Variants in ARSG observed in about 807,000 individuals in gnomAD.
The protein encoded by ARSG is arylsulfatase G.
A neutral mutation model predicts 50.5 loss-of-function variants in ARSG; 37 were observed. That is an observed-to-expected ratio of 0.73 (90% CI 0.56 to 0.96). The LOEUF is 0.96. Among genes scored for constraint, ARSG ranks in the 50% least tolerant of loss-of-function variants. The probability of loss-of-function intolerance (pLI) is 0.00; values close to 1 mark genes in which losing one functional copy is unlikely to be tolerated. For synonymous variants in ARSG, 225 were observed against 254.6 expected (o/e 0.88, Z 1.11); for missense variants, 629 against 675.3 (o/e 0.93, Z 0.76).
downstream of ARSG, among the ~76,000 whole-genome samples, chr17:68,424,099 G>T (rs572361002): frequency 6.6e-6 from 1 of 152,172 alleles, no homozygotes; most frequent in Non-Finnish European, 1.5e-5. Context: ...TTTAAGGCCA[G>T]TTGGGGCCAT....
At chr17:68,423,890 T>C (rs1358143740), downstream of ARSG, among the ~76,000 whole-genome samples, 2 of 152,242 alleles carry the variant, frequency 1.3e-5, no homozygotes, top group Non-Finnish European at 2.9e-5. This position sits in a 1 kb window ranked among gnomAD's most constrained non-coding sequence, Gnocchi z 4.4. Context: ...ATTAAGAATC[T>C]AATAATATTT....
chr17:68,425,922 A>G, downstream of ARSG: 2 of 652,688 alleles, frequency 3.1e-6, no homozygotes, highest in South Asian at 3.8e-5. Flanking sequence ...CACACAGTAC[A>G]ACAAATATCC....
chr17:68,276,095 CTCTT>C (rs1206416375), intron 1 of ARSG, among the ~76,000 whole-genome samples: 2 of 152,000 alleles, frequency 1.3e-5, no homozygotes, highest in South Asian at 2.1e-4. Flanking sequence ...TTCTCTCTCT[CTCTT>C]TTTTTATTTT....
At chr17:68,315,191 C>T (rs758152) in intron 2 of ARSG, among the ~76,000 whole-genome samples, 125,723 of 152,154 alleles carry the variant, frequency 0.83, 52,498 homozygotes, top group Middle Eastern at 0.89. Context: ...CTGGGCAGAA[C>T]TGGGGAATCA....
At chr17:68,397,152 C>G (rs1334090241) in intron 10 of ARSG, among the ~76,000 whole-genome samples, 2 of 152,142 alleles carry the variant, frequency 1.3e-5, no homozygotes, top group African/African-American at 4.8e-5. Context: ...TGCGCAGGCT[C>G]GTAGAGACCC....
intron 6 of ARSG, among the ~76,000 whole-genome samples, chr17:68,363,708 C>A (rs1000858330): frequency 1.3e-5 from 2 of 152,038 alleles, no homozygotes; most frequent in Non-Finnish European, 2.9e-5. Flanking sequence ...CTTAGGTGAT[C>A]CAACTGCCTC....
intron 1 of ARSG, among the ~76,000 whole-genome samples, chr17:68,266,349 T>C (rs1370450908): frequency 7.0e-6 from 1 of 143,704 alleles, no homozygotes; most frequent in East Asian, 2.1e-4. Context: ...AATAAAATCG[T>C]CCTGTTTTCA....
chr17:68,272,671 C>T, intron 1 of ARSG: 1 of 1,614,120 alleles, frequency 6.2e-7, no homozygotes, highest in Non-Finnish European at 8.5e-7. Flanking sequence ...GAAACATTCT[C>T]CTGTGGAAGC....
At chr17:68,392,288 T>G (rs77150205) in intron 9 of ARSG, among the ~76,000 whole-genome samples, 4,022 of 152,196 alleles carry the variant, frequency 0.026, 108 homozygotes, top group East Asian at 0.14. Flanking sequence ...CGGAAGACTT[T>G]TTTCCCCCAA....
chr17:68,431,108 A>G, the ARSG span, among the ~76,000 whole-genome samples: 1 of 152,156 alleles, frequency 6.6e-6, no homozygotes, highest in African/African-American at 2.4e-5. Flanking sequence ...GCTGGGGTTT[A>G]CAAAGAGGTG....
intron 2 of ARSG, among the ~76,000 whole-genome samples, chr17:68,324,710 T>G (rs1176913152): frequency 6.6e-6 from 1 of 152,210 alleles, no homozygotes; most frequent in Non-Finnish European, 1.5e-5. Flanking sequence ...GAATGGGAAT[T>G]TGGATGCCTG....
At chr17:68,321,014 A>G (rs1438357103) in intron 2 of ARSG, among the ~76,000 whole-genome samples, 1 of 152,128 alleles carries the variant, frequency 6.6e-6, no homozygotes, top group Non-Finnish European at 1.5e-5. Context: ...CTGGAAAAGA[A>G]CAAGAGGCTG....
chr17:68,420,510 A>G lies in ARSG; in HGVS notation c.*47A>G. On this transcript the variant is annotated 3_prime_UTR_variant, in exon 12 of 12. Transcript: ENST00000621439. ...AGGAGGAGTACCTGGAAATTAGGCA[A>G]GTTTGCTTCCAAATTTCATTTTTAC... is the stretch of plus-strand genomic sequence containing the variant. The G allele has an allele frequency of 1.3e-6, 2 of 1,582,262 alleles. No individual in the cohort carries two copies. Among genetic ancestry groups the G allele is most frequent in the South Asian group, 2.3e-5 (2 of 88,250 alleles).
chr17:68,345,971 G>A (rs1351662089), intron 3 of ARSG, among the ~76,000 whole-genome samples: 5 of 152,086 alleles, frequency 3.3e-5, no homozygotes, highest in Non-Finnish European at 5.9e-5. Flanking sequence ...CACCTCCCGG[G>A]TTCAAGTGAT....
At chr17:68,348,361 C>G (rs2078607279) in intron 4 of ARSG, among the ~76,000 whole-genome samples, 1 of 152,186 alleles carries the variant, frequency 6.6e-6, no homozygotes, top group Non-Finnish European at 1.5e-5. Context: ...CTGAGACCAG[C>G]TCCTATGCAG....
At chr17:68,397,595 G>A (rs1252594867) in intron 10 of ARSG, among the ~76,000 whole-genome samples, 1 of 152,004 alleles carries the variant, frequency 6.6e-6, no homozygotes, top group Non-Finnish European at 1.5e-5. Context: ...ATAGCTATGG[G>A]GGAGGCTTGA....
At chr17:68,354,064 TTTTTTA>T (rs1221346181) in intron 5 of ARSG, among the ~76,000 whole-genome samples, 1 of 151,244 alleles carries the variant, frequency 6.6e-6, no homozygotes, top group African/African-American at 2.4e-5. Context: ...CCTTCTGTAT[TTTTTTA>T]TTTTTATTTT....
chr17:68,353,819 A>G (rs2078908667), intron 5 of ARSG, among the ~76,000 whole-genome samples: 1 of 152,134 alleles, frequency 6.6e-6, no homozygotes, highest in South Asian at 2.1e-4. Flanking sequence ...TTCCTGCCTC[A>G]GTCACCTGAG....
intron 6 of ARSG, among the ~76,000 whole-genome samples, chr17:68,366,398 C>T (rs2079549382): frequency 6.6e-6 from 1 of 152,094 alleles, no homozygotes; most frequent in South Asian, 2.1e-4. Context: ...AAAAAAGCCA[C>T]CCCCACTGGC....
Sources: allele counts gnomAD v4.1 joint callset (sites outside exome capture counted in the v4.1 genomes callset), GRCh38; gene constraint gnomAD v4.1.1; non-coding constraint Gnocchi (gnomAD v3.1); transcripts MANE v1.5; gene names NCBI Gene and HGNC (gene_info 2026-07-23, HGNC 2026-07-21).